The following SLC10A7 variants were observed in gnomAD, a reference collection of about 807,000 sequenced individuals.
SLC10A7 encodes solute carrier family 10 member 7.
A neutral mutation model predicts 43.2 loss-of-function variants in SLC10A7; 29 were observed. That is an observed-to-expected ratio of 0.67 (90% confidence interval 0.50 to 0.92). The LOEUF (loss-of-function observed/expected upper bound fraction) is 0.92, where lower values mean the gene tolerates loss of function less well. Among genes scored for constraint, SLC10A7 ranks in the 40% least tolerant of loss-of-function variants. The probability of loss-of-function intolerance (pLI) is 0.00; values close to 1 mark genes in which losing one functional copy is unlikely to be tolerated. For synonymous variants in SLC10A7, 152 were observed against 144.8 expected (o/e 1.05, Z -0.35); for missense variants, 295 against 403.2 (o/e 0.73, Z 2.30).
intron 5 of SLC10A7, among the ~76,000 whole-genome samples, chr4:146,400,316 T>C (rs1421113709): frequency 6.6e-6 from 1 of 151,916 alleles, no homozygotes; most frequent in East Asian, 1.9e-4. Flanking sequence ...TTAAATTGGG[T>C]ATGGGGTGGG....
intron 7 of SLC10A7, among the ~76,000 whole-genome samples, chr4:146,304,738 T>C (rs961534800): frequency 3.7e-4 from 57 of 152,214 alleles, no homozygotes; most frequent in Non-Finnish European, 6.8e-4. Context: ...TGATTTGGGG[T>C]GGAGAGTTCT....
chr4:146,341,778 A>C (rs1304988760), intron 5 of SLC10A7, among the ~76,000 whole-genome samples: 1 of 151,792 alleles, frequency 6.6e-6, no homozygotes, highest in Non-Finnish European at 1.5e-5. Flanking sequence ...ATGGATGCTA[A>C]CCTTATAACA....
At chr4:146,490,958 G>C (rs1735340219) in intron 4 of SLC10A7, among the ~76,000 whole-genome samples, 1 of 152,150 alleles carries the variant, frequency 6.6e-6, no homozygotes, top group African/African-American at 2.4e-5. Context: ...AGATACAAAA[G>C]AAAAGTAGTT....
intron 5 of SLC10A7, among the ~76,000 whole-genome samples, chr4:146,404,251 C>A (rs1195693180): frequency 6.6e-6 from 1 of 152,254 alleles, no homozygotes; most frequent in Non-Finnish European, 1.5e-5. Context: ...AACTCCTGGA[C>A]TCCAGCAATC....
At chr4:146,326,467 T>A (rs532355851) in intron 5 of SLC10A7, among the ~76,000 whole-genome samples, 2 of 152,310 alleles carry the variant, frequency 1.3e-5, no homozygotes, top group Admixed American at 1.3e-4. Context: ...TGGTCTCCCC[T>A]AGGAAATGAG....
chr4:146,391,026 C>A (rs1313102108), intron 5 of SLC10A7, among the ~76,000 whole-genome samples: 1 of 152,122 alleles, frequency 6.6e-6, no homozygotes, highest in African/African-American at 2.4e-5. Context: ...AGGACACTAT[C>A]ATCTTGCTAG....
chr4:146,490,276 C>T (rs11737630), intron 4 of SLC10A7, among the ~76,000 whole-genome samples: 3,870 of 152,108 alleles, frequency 0.025, 72 homozygotes, highest in Non-Finnish European at 0.04. Context: ...TACACACATG[C>T]CAACGACTTC....
chr4:146,294,439 T>C (rs1730644250), intron 7 of SLC10A7, among the ~76,000 whole-genome samples: 1 of 152,198 alleles, frequency 6.6e-6, no homozygotes, highest in Non-Finnish European at 1.5e-5. Flanking sequence ...TGTGTGTAAT[T>C]ATCACAGTCC....
At chr4:146,321,029 T>C (rs1482970746) in intron 6 of SLC10A7, among the ~76,000 whole-genome samples, 5 of 152,076 alleles carry the variant, frequency 3.3e-5, no homozygotes, top group Non-Finnish European at 7.4e-5. Flanking sequence ...CCAGCAAAAA[T>C]GGCCTTCATT....
intron 4 of SLC10A7, among the ~76,000 whole-genome samples, chr4:146,446,740 TTATCTATCTATCTATCTATCTATC>T (rs150949685): frequency 1.4e-5 from 2 of 143,712 alleles, no homozygotes; most frequent in Non-Finnish European, 3.0e-5. Flanking sequence ...GTGAGAAGGT[TTATCTATCTATCTATCTATCTATC>T]TATCTATCTA....
At chr4:146,274,480 A>G (rs1290664355) in intron 10 of SLC10A7, among the ~76,000 whole-genome samples, 1 of 152,168 alleles carries the variant, frequency 6.6e-6, no homozygotes, top group Non-Finnish European at 1.5e-5. Context: ...CTGGGATTAC[A>G]GGCATGAGCC....
At chr4:146,441,523 A>T in intron 5 of SLC10A7, 1 of 276,356 alleles carries the variant, frequency 3.6e-6, no homozygotes, top group Non-Finnish European at 5.5e-6. Flanking sequence ...CAAATCATGT[A>T]CAAAAATTGG....
intron 5 of SLC10A7, among the ~76,000 whole-genome samples, chr4:146,376,053 G>C (rs751736190): frequency 6.6e-6 from 1 of 152,142 alleles, no homozygotes; most frequent in Non-Finnish European, 1.5e-5. Flanking sequence ...TTACTGTACA[G>C]GATATTACAA....
intron 5 of SLC10A7, among the ~76,000 whole-genome samples, chr4:146,361,949 C>A (rs532206246): frequency 6.6e-6 from 1 of 151,544 alleles, no homozygotes; most frequent in Non-Finnish European, 1.5e-5. Flanking sequence ...ATTGACAAAC[C>A]GAAAAATGTA....
intron 4 of SLC10A7, among the ~76,000 whole-genome samples, chr4:146,481,927 A>C (rs1238635086): frequency 6.6e-6 from 1 of 152,170 alleles, no homozygotes; most frequent in Non-Finnish European, 1.5e-5. Context: ...AAAAACAAAA[A>C]CAGAAAAATC....
At chr4:146,336,930 G>A (rs957114219) in intron 5 of SLC10A7, among the ~76,000 whole-genome samples, 6 of 152,052 alleles carry the variant, frequency 3.9e-5, no homozygotes, top group Non-Finnish European at 8.8e-5. Flanking sequence ...TCAAACTCAT[G>A]ACTTCTCTTT....
intron 7 of SLC10A7, among the ~76,000 whole-genome samples, chr4:146,296,507 T>C (rs1730795341): frequency 6.6e-6 from 1 of 152,114 alleles, no homozygotes; most frequent in South Asian, 2.1e-4. Context: ...AGCCAAAATG[T>C]CTTTCTTCTA....
intron 11 of SLC10A7, among the ~76,000 whole-genome samples, 168 bp downstream of exon 11, chr4:146,258,524 G>A: frequency 6.6e-6 from 1 of 152,190 alleles, no homozygotes; most frequent in Non-Finnish European, 1.5e-5. Context: ...CAACCCTCCT[G>A]TTCAAATTGG....
chr4:146,294,018 G>T lies in SLC10A7; in HGVS notation c.633C>A (p.Leu211=), dbSNP rs759768158. ...PFGAISSSVL[L]MIIYTTFCDT... Reference sequence around the variant, plus strand: ...CACAGAATGTTGTGTAGATGATCATGAGGAGTACACTGCTGCTGATAGCAC... The same window carrying T: ...CACAGAATGTTGTGTAGATGATCATTAGGAGTACACTGCTGCTGATAGCAC... Residue 211 remains leucine (L), a synonymous_variant, in exon 8 of 12, where the codon CTC becomes CTA. Coordinates refer to ENST00000335472, the MANE Select transcript of SLC10A7 (RefSeq NM_001029998.6). 3 of 1,613,096 alleles carry T rather than the reference G, an allele frequency of 1.9e-6. No individual in the cohort carries two copies. The highest frequency in any genetic ancestry group is 1.7e-6 in the Non-Finnish European group (2 of 1,179,270).
Sources: allele counts gnomAD v4.1 joint callset (sites outside exome capture counted in the v4.1 genomes callset), GRCh38; gene constraint gnomAD v4.1.1; transcripts MANE v1.5; gene names NCBI Gene and HGNC (gene_info 2026-07-23, HGNC 2026-07-21).